BMPR1B: variants seen among roughly 807,000 people sequenced by gnomAD.
The protein encoded by BMPR1B is bone morphogenetic protein receptor type 1B.
BMPR1B carries 12 observed loss-of-function variants against 59.1 expected under a neutral mutation model. That is an observed-to-expected ratio of 0.20 (90% CI 0.13 to 0.33). The LOEUF (loss-of-function observed/expected upper bound fraction) is 0.33, where lower values mean the gene tolerates loss of function less well. Ranked by LOEUF, BMPR1B falls within the 10% of genes least tolerant of loss-of-function variation. The probability of loss-of-function intolerance (pLI) is 1.00; values close to 1 mark genes in which losing one functional copy is unlikely to be tolerated. For missense variants in BMPR1B, 550 were observed against 610.9 expected, an observed-to-expected ratio of 0.90 and a Z score of 1.05; for synonymous variants, 237 against 207.3, an observed-to-expected ratio of 1.14 and a Z score of -1.23.
At chr4:95,044,160 C>T (rs1725869008) in intron 3 of BMPR1B, among the ~76,000 whole-genome samples, 1 of 152,162 alleles carries the variant, frequency 6.6e-6, no homozygotes, top group African/African-American at 2.4e-5. Context: ...GGAATGAAAT[C>T]TGGTTGTCTC....
intron 2 of BMPR1B, among the ~76,000 whole-genome samples, chr4:94,951,266 C>A (rs561025159): frequency 1.1e-4 from 17 of 152,284 alleles, no homozygotes; most frequent in Admixed American, 3.9e-4. Flanking sequence ...CCCTTTATTT[C>A]TTTCTCTTGC....
intron 3 of BMPR1B, among the ~76,000 whole-genome samples, chr4:95,091,859 T>C (rs1386764307): frequency 6.6e-6 from 1 of 152,098 alleles, no homozygotes; most frequent in Non-Finnish European, 1.5e-5. Flanking sequence ...GTGTATAATT[T>C]AGCTTACTTT....
At chr4:94,969,360 G>A (rs946715230) in intron 2 of BMPR1B, among the ~76,000 whole-genome samples, 18 of 152,014 alleles carry the variant, frequency 1.2e-4, no homozygotes, top group Admixed American at 3.9e-4. Context: ...TAAATGGTCC[G>A]CTGCTTTCCA....
chr4:95,057,468 A>G (rs1269929291), intron 3 of BMPR1B, among the ~76,000 whole-genome samples: 3 of 151,956 alleles, frequency 2.0e-5, no homozygotes, highest in Non-Finnish European at 4.4e-5. Context: ...GTTGGTCTCA[A>G]TCTCTTGATC....
At chr4:94,928,860 A>C (rs957820333) in intron 2 of BMPR1B, among the ~76,000 whole-genome samples, 19 of 152,080 alleles carry the variant, frequency 1.2e-4, no homozygotes. Flanking sequence ...CTATGGCATA[A>C]TCTATTTTGA....
chr4:94,998,431 T>C (rs1722213827), intron 3 of BMPR1B, among the ~76,000 whole-genome samples: 1 of 151,110 alleles, frequency 6.6e-6, no homozygotes, highest in Non-Finnish European at 1.5e-5. Context: ...TGGAGTGCAA[T>C]GGCGCGATCT....
chr4:95,136,044 A>T (rs1245873742), intron 10 of BMPR1B, among the ~76,000 whole-genome samples: 1 of 152,096 alleles, frequency 6.6e-6, no homozygotes. Flanking sequence ...CCCATCAATA[A>T]CTAGTTTTTT....
Position 95,084,639 on chromosome 4 carries a change from A to T in BMPR1B, c.-17-19769A>T, listed in dbSNP as rs886656245. 1.5e-4 allele frequency among the ~76,000 whole-genome samples: 23 copies of T among 152,296 alleles called. 2 individuals carry two copies. The highest frequency in any genetic ancestry group is 9.8e-4 in the Admixed American group (15 of 15,292). ...ACATCTATTACCCTCTTTGTTACCC[A>T]TCCAGGGAGTGTGGTCATGGGAAAA... On this transcript the variant is annotated intron_variant, in intron 3 of 12. Transcript: ENST00000515059.
In BMPR1B at chr4:95,101,789, T is replaced by C. The variant is rs573855512; in HGVS notation, c.-17-2619T>C. Among the ~76,000 whole-genome samples the C allele has an allele frequency of 4.6e-5, 7 of 152,306 alleles. No individual in the cohort carries two copies. The South Asian group carries it at 1.4e-3, about 32-fold the overall frequency. On this transcript the variant is annotated intron_variant, in intron 3 of 12. Transcript: ENST00000515059. ...TTGATTGCAGTGGGCACCTGTGGCA[T>C]ATGAGAAGATTGTCATATGCAGAAT...
intron 10 of BMPR1B, among the ~76,000 whole-genome samples, chr4:95,132,185 T>C (rs908161643): frequency 6.6e-6 from 1 of 152,332 alleles, no homozygotes; most frequent in East Asian, 1.9e-4. Context: ...ATGGTTTCTC[T>C]GTTTGGAAAA....
intron 1 of BMPR1B, among the ~76,000 whole-genome samples, chr4:94,833,075 C>T (rs1724665138): frequency 6.6e-6 from 1 of 151,634 alleles, no homozygotes; most frequent in African/African-American, 2.4e-5. Context: ...CCTGTATTCT[C>T]ATTTACTCGG....
At position 95,021,833 on chromosome 4, in the gene BMPR1B, T is replaced by C. The variant is rs74779648; in HGVS notation, c.-18+25699T>C. 6.9e-3 allele frequency among the ~76,000 whole-genome samples: 1,057 copies of C among 152,346 alleles called. 9 individuals are homozygous for C. The highest frequency in any genetic ancestry group is 0.023 in the African/African-American group (943 of 41,578). On this transcript the variant is annotated intron_variant, in intron 3 of 12. Transcript: ENST00000515059. The stretch of plus-strand genomic sequence containing the variant: ...GGCGGAAATAGTTACAGACATACGT[T>C]TGTTCTTTTGAACTGGTCTATTCTC...
At chr4:94,841,226 G>T (rs1270741942) in intron 1 of BMPR1B, among the ~76,000 whole-genome samples, 1 of 149,274 alleles carries the variant, frequency 6.7e-6, no homozygotes, top group African/African-American at 2.5e-5. Flanking sequence ...GTTTGTCTGT[G>T]CCCTGCCCCC....
intron 3 of BMPR1B, among the ~76,000 whole-genome samples, chr4:95,077,927 G>C (rs1373389062): frequency 6.6e-6 from 1 of 152,172 alleles, no homozygotes; most frequent in East Asian, 1.9e-4. Context: ...ATGGCACACA[G>C]AGCATACCAT....
rs142699641 is a variant in BMPR1B at position 94,886,125 on chromosome 4, G to T, written c.-113+10225G>T. 7.4e-3 allele frequency among the ~76,000 whole-genome samples: 1,124 copies of T among 152,108 alleles called. 12 individuals carry two copies. Among genetic ancestry groups the T allele is most frequent in the Non-Finnish European group, 7.9e-3 (538 of 67,980 alleles). ...ATGCCTAAGTTATAAATTTAAAAAT[G>T]GTTAAAAATAACAAGTGAAAAATAA... On this transcript the variant is annotated intron_variant, in intron 2 of 12. Transcript: ENST00000515059.
At chr4:95,116,064 C>T (rs1051623985) in intron 6 of BMPR1B, among the ~76,000 whole-genome samples, 1 of 152,104 alleles carries the variant, frequency 6.6e-6, no homozygotes, top group Non-Finnish European at 1.5e-5. Flanking sequence ...AGGGTGGAGG[C>T]AGGAGCTAGC....
At chr4:94,992,579 TC>T (rs1721820091) in intron 2 of BMPR1B, among the ~76,000 whole-genome samples, 1 of 152,218 alleles carries the variant, frequency 6.6e-6, no homozygotes, top group African/African-American at 2.4e-5. Context: ...AGATAATATT[TC>T]CAAAGCCCCT....
rs1409638286 is a variant in BMPR1B at position 94,949,317 on chromosome 4, T to TC, written c.-112-46723_-112-46722insC. Among the ~76,000 whole-genome samples, 4 of 41,624 alleles carry TC rather than the reference T, an allele frequency of 9.6e-5. 2 individuals carry two copies. Among genetic ancestry groups the TC allele is most frequent in the African/African-American group, 4.8e-4 (4 of 8,248 alleles). 27.3% of individuals were successfully genotyped at this position (41,624 alleles called of 152,430 possible). ...AGGACATGAACTCATTCTTTTTTTTTTTTTTTTTTTGAGACGGAGTCTCGC... is the reference window on the plus strand; with the variant it reads ...AGGACATGAACTCATTCTTTTTTTTTCTTTTTTTTTTGAGACGGAGTCTCGC... On this transcript the variant is annotated intron_variant, in intron 2 of 12. Transcript: ENST00000515059.
intron 11 of BMPR1B, 30 bp downstream of exon 11, chr4:95,148,953 A>G (rs772043525): frequency 1.2e-6 from 2 of 1,610,576 alleles, no homozygotes; most frequent in African/African-American, 1.3e-5. Context: ...TTGAAAAGCT[A>G]CTATTGGAGC....
Sources: allele counts gnomAD v4.1 joint callset (sites outside exome capture counted in the v4.1 genomes callset), GRCh38; gene constraint gnomAD v4.1.1; transcripts MANE v1.5; gene names NCBI Gene and HGNC (gene_info 2026-07-23, HGNC 2026-07-21).